The following PPA1 variants were observed in gnomAD, a reference collection of about 807,000 sequenced individuals.
The protein encoded by PPA1 is inorganic pyrophosphatase 1, also known as inorganic pyrophosphatase.
PPA1 carries 23 observed loss-of-function variants against 41.8 expected under a neutral mutation model. The ratio of observed to expected loss-of-function variants is 0.55; its 90% CI spans 0.40 to 0.78. PPA1 has a LOEUF of 0.78. Ranked by LOEUF, PPA1 falls within the 30% of genes least tolerant of loss-of-function variation. The pLI is 0.00. For missense variants in PPA1, 320 were observed against 361.6 expected, an observed-to-expected ratio of 0.89 and a Z score of 0.93; for synonymous variants, 101 against 116.8, an observed-to-expected ratio of 0.86 and a Z score of 0.87.
In PPA1 at chr10:70,217,940, A is replaced by G. The variant is rs747544561; in HGVS notation, c.178-9T>C. 5 of 1,534,620 alleles carry G rather than the reference A, an allele frequency of 3.3e-6. No homozygotes were observed. In the Admixed American group the frequency reaches 1.0e-4, roughly 31 times the overall value. Reference sequence around the variant, plus strand: ...GGGTCCTTTGTAGCAATCTGAAATAAGAAAATTTCAAATCTTTGCATATTT... The same window carrying G: ...GGGTCCTTTGTAGCAATCTGAAATAGGAAAATTTCAAATCTTTGCATATTT... On this transcript the variant is annotated splice_polypyrimidine_tract_variant and intron_variant, in intron 3 of 10. Transcript: ENST00000373232.
At chr10:70,229,450 T>C (rs1840264833) in intron 2 of PPA1, among the ~76,000 whole-genome samples, 1 of 152,146 alleles carries the variant, frequency 6.6e-6, no homozygotes, top group South Asian at 2.1e-4. Context: ...GTAGACTTCT[T>C]TTTCCCCTAG....
chr10:70,221,095 T>TG (rs1840163264), intron 2 of PPA1, among the ~76,000 whole-genome samples: 1 of 55,952 alleles, frequency 1.8e-5, no homozygotes, highest in African/African-American at 8.0e-5. Flanking sequence ...TTTTTTTTTT[T>TG]GTAGAGATGG....
intron 4 of PPA1, among the ~76,000 whole-genome samples, chr10:70,215,415 A>C (rs1286330238): frequency 1.3e-5 from 2 of 152,044 alleles, no homozygotes. Context: ...ATAAATTCCC[A>C]AAACAGAAGT....
intron 5 of PPA1, 42 bp downstream of exon 5, chr10:70,214,458 T>A (rs776401173): frequency 6.0e-6 from 9 of 1,504,442 alleles, no homozygotes; most frequent in Non-Finnish European, 7.3e-6. Flanking sequence ...TATACTTCAT[T>A]AATATCTCAA....
intron 1 of PPA1, 104 bp from the exon 2 acceptor site, chr10:70,230,503 C>A: frequency 4.3e-6 from 5 of 1,172,886 alleles, no homozygotes; most frequent in Non-Finnish European, 6.0e-6. Flanking sequence ...ACTCTGTCAC[C>A]CAGGATGGTG....
rs113365782 is a variant in PPA1, at chr10:70,215,953, G to A, written c.298-1367C>T. Among the ~76,000 whole-genome samples the A allele has an allele frequency of 1.2e-3, 190 of 152,318 alleles. 1 individual carries two copies. The highest frequency in any genetic ancestry group is 3.7e-3 in the African/African-American group (154 of 41,576). ...AGAACTGAAAGCCTGTGCTAGCCAGGATGTTAGGTTTAAAATGTAGCTGTT... is the reference window on the plus strand; with the variant it reads ...AGAACTGAAAGCCTGTGCTAGCCAGAATGTTAGGTTTAAAATGTAGCTGTT... On this transcript the variant is annotated intron_variant, in intron 4 of 10. Coordinates refer to ENST00000373232, the MANE Select transcript of PPA1 (RefSeq NM_021129.4).
chr10:70,216,944 C>T (rs910868685), intron 4 of PPA1, among the ~76,000 whole-genome samples: 4 of 152,112 alleles, frequency 2.6e-5, no homozygotes, highest in African/African-American at 7.2e-5. Context: ...CCAAGGCAGG[C>T]GGATCACAGG....
At chr10:70,224,633 T>C (rs1840208379) in intron 2 of PPA1, among the ~76,000 whole-genome samples, 2 of 152,344 alleles carry the variant, frequency 1.3e-5, no homozygotes, top group African/African-American at 2.4e-5. Flanking sequence ...GTTAAGTACA[T>C]ATATAGGGAA....
chr10:70,216,569 A>G (rs1174856846), intron 4 of PPA1, among the ~76,000 whole-genome samples: 1 of 152,168 alleles, frequency 6.6e-6, no homozygotes, highest in Non-Finnish European at 1.5e-5. Flanking sequence ...CTTACCTAAC[A>G]AGCTAGATGG....
rs750502063 is a variant in PPA1 at position 70,217,849 on chromosome 10, T to G, written c.260A>C (p.Tyr87Ser). Residue 87 changes from tyrosine to serine, a missense_variant, in exon 4 of 11, where the codon TAT (tyrosine) becomes TCT (serine). Physicochemically the swap from Tyr to Ser is moderately radical, Grantham distance 144. Transcript: ENST00000373232. ...KLRYVANLFP[Y>S]KGYIWNYGAI... is the part of the protein sequence containing the mutation. ...ACCATAGTTCCAGATATATCCTTTA[T>G]ACGGGAACAAATTCGCAACATAGCG... 1 of 1,606,684 alleles carries G rather than the reference T, an allele frequency of 6.2e-7. No homozygotes were observed. Among genetic ancestry groups the G allele is most frequent in the Non-Finnish European group, 8.5e-7 (1 of 1,175,612 alleles).
rs960731767 is a variant in PPA1 at position 70,222,350 on chromosome 10, A to G, written c.124-3533T>C. Among the ~76,000 whole-genome samples, 4 of 151,638 alleles carry G rather than the reference A, an allele frequency of 2.6e-5. 1 individual carries two copies. Among genetic ancestry groups the G allele is most frequent in the Non-Finnish European group, 5.9e-5 (4 of 67,890 alleles). ...GACTCCGTCTCAAAAAAAAAAAAAA[A>G]AAAAAAAAAGAAATTAGCTGGGCGA... On this transcript the variant is annotated intron_variant, in intron 2 of 10. Coordinates refer to ENST00000373232, the MANE Select transcript of PPA1 (RefSeq NM_021129.4).
Position 70,209,211 on chromosome 10 carries a change from A to G in PPA1, c.719T>C (p.Ile240Thr), listed in dbSNP as rs1481316819. 1.3e-6 allele frequency: 2 copies of G among 1,589,088 alleles called. No homozygotes were observed. The highest frequency in any genetic ancestry group is 1.7e-6 in the Non-Finnish European group (2 of 1,157,722). The change falls in exon 8 of 11, where the codon ATC becomes ACC. Residue 240 changes from isoleucine (I) to threonine (T), a missense_variant. By Grantham distance (89) the Ile-to-Thr change is moderately conservative. Transcript: ENST00000373232. The stretch of plus-strand genomic sequence containing the variant: ...GCAAAGTGTTTACACTTACCAACTG[A>G]TTCCTTTTCCATTCGTTTTCTTAGT... ...LVTKKTNGKG[I>T]SCMNTTLSES...
At chr10:70,205,900 C>T (rs1216411055) in intron 9 of PPA1, 1 of 176,654 alleles carries the variant, frequency 5.7e-6, no homozygotes, top group Non-Finnish European at 1.2e-5. Context: ...AAACTTGATA[C>T]CTTCCTCAGT....
intron 3 of PPA1, 139 bp downstream of exon 3, chr10:70,218,625 G>A (rs1051287967): frequency 7.6e-6 from 5 of 662,012 alleles, no homozygotes; most frequent in African/African-American, 7.3e-5. Context: ...AGTAGGCAAT[G>A]GGAGATACAA....
chr10:70,224,428 T>C, intron 2 of PPA1, among the ~76,000 whole-genome samples: 1 of 152,148 alleles, frequency 6.6e-6, no homozygotes, highest in Non-Finnish European at 1.5e-5. Flanking sequence ...GTTTCAGGAA[T>C]AGAAGAAATA....
chr10:70,221,007 TA>T, intron 2 of PPA1, among the ~76,000 whole-genome samples: 1 of 70,274 alleles, frequency 1.4e-5, no homozygotes, highest in Non-Finnish European at 2.4e-5. Context: ...ATATATAACA[TA>T]TATATAATTT....
Position 70,210,967 on chromosome 10 carries a change from G to C in PPA1, c.512-1282C>G, listed in dbSNP as rs113580605. On this transcript the variant is annotated intron_variant, in intron 6 of 10. Coordinates refer to ENST00000373232, the MANE Select transcript of PPA1 (RefSeq NM_021129.4). ...ATTTTTAGTAGAGATGGGGTTTCGT[G>C]TTAGCTAGGACGGTCTCGATCTCCT... 7.1e-3 allele frequency among the ~76,000 whole-genome samples: 1,076 copies of C among 152,112 alleles called. 5 individuals carry two copies. The highest frequency in any genetic ancestry group is 0.012 in the Non-Finnish European group (784 of 67,982).
At chr10:70,218,356 AAT>A (rs1397125571) in intron 3 of PPA1, 2 of 181,048 alleles carry the variant, frequency 1.1e-5, no homozygotes, top group South Asian at 1.7e-4. Flanking sequence ...TGTGATATAA[AAT>A]ATGTTATAAA....
chr10:70,230,374 A>T lies in PPA1; in HGVS notation c.90T>A (p.Ser30=), dbSNP rs764162399. 5.6e-6 allele frequency: 9 copies of T among 1,612,514 alleles called. No homozygotes were observed. The highest frequency in any genetic ancestry group is 7.6e-6 in the Non-Finnish European group (9 of 1,179,290). Residue 30 remains serine, a synonymous_variant, in exon 2 of 11, where the codon TCT becomes TCA. Transcript: ENST00000373232. ...CATAAATTGGAATATCATGAAATGG[A>T]GATATATATTGTCCTTTCTCATTTT... ...FLKNEKGQYI[S]PFHDIPIYAD...
Sources: gnomAD v4.1 joint callset for allele counts (sites outside exome capture counted in the v4.1 genomes callset) on GRCh38, gnomAD v4.1.1 for gene constraint, MANE v1.5 for transcripts, NCBI Gene and HGNC (gene_info 2026-07-23, HGNC 2026-07-21) for gene names.